The following ZNF704 variants were observed in gnomAD, a reference collection of about 807,000 sequenced individuals.
ZNF704 encodes the protein glucocorticoid induced gene 1.
In ZNF704, 10 loss-of-function variants were observed where a neutral mutation model predicts 44.7. That is an observed-to-expected ratio of 0.22 (90% CI 0.14 to 0.38). The LOEUF (loss-of-function observed/expected upper bound fraction) is 0.38, where lower values mean the gene tolerates loss of function less well. ZNF704 is among the 10% of genes least tolerant of loss of function. ZNF704 has a pLI of 1.00. For missense variants in ZNF704, 390 were observed against 545.5 expected, an observed-to-expected ratio of 0.71 and a Z score of 2.84; for synonymous variants, 211 against 207.6, an observed-to-expected ratio of 1.02 and a Z score of -0.14.
rs545157433 is a variant in ZNF704 at position 80,685,630 on chromosome 8, C to A, written c.558+1596G>T. 5.3e-5 allele frequency among the ~76,000 whole-genome samples: 8 copies of A among 152,350 alleles called. No homozygotes were observed. In the East Asian group the frequency reaches 1.2e-3, roughly 22 times the overall value. Reference sequence around the variant, plus strand: ...CCACAGGGTGCCAGAACAACTTCAGCCCCTTTGCATGACAGACTGGTGTGA... The same window carrying A: ...CCACAGGGTGCCAGAACAACTTCAGACCCTTTGCATGACAGACTGGTGTGA... On this transcript the variant is annotated intron_variant, in intron 4 of 8. Transcript: ENST00000327835.
At chr8:80,859,316 T>C (rs890441646) in intron 1 of ZNF704, among the ~76,000 whole-genome samples, 8 of 152,226 alleles carry the variant, frequency 5.3e-5, no homozygotes, top group African/African-American at 1.9e-4. Context: ...CTACTTTGTG[T>C]TGAAGTTAAT....
At chr8:80,779,881 G>T (rs1807487526) in intron 2 of ZNF704, among the ~76,000 whole-genome samples, 1 of 149,946 alleles carries the variant, frequency 6.7e-6, no homozygotes, top group Non-Finnish European at 1.5e-5. Flanking sequence ...TCCTACATTT[G>T]CAGTCAAAAT....
intron 6 of ZNF704, among the ~76,000 whole-genome samples, chr8:80,663,417 C>T (rs2131608442): frequency 6.6e-6 from 1 of 151,642 alleles, no homozygotes; most frequent in South Asian, 2.1e-4. Flanking sequence ...GAGTTTTACC[C>T]ATGTCCTAAA....
intron 2 of ZNF704, among the ~76,000 whole-genome samples, chr8:80,790,229 A>G (rs755458760): frequency 7.2e-5 from 11 of 152,192 alleles, no homozygotes; most frequent in Non-Finnish European, 1.2e-4. Flanking sequence ...CCCAGCTAAA[A>G]TATTATTTTA....
the ZNF704 span, among the ~76,000 whole-genome samples, chr8:80,883,429 C>T: frequency 2.0e-5 from 3 of 152,084 alleles, no homozygotes; most frequent in Non-Finnish European, 4.4e-5. Flanking sequence ...TGGAAATGGT[C>T]TATATCTGTG....
At chr8:80,817,702 A>AG (rs1318186220) in intron 2 of ZNF704, among the ~76,000 whole-genome samples, 1 of 152,234 alleles carries the variant, frequency 6.6e-6, no homozygotes, top group African/African-American at 2.4e-5. Flanking sequence ...ACAAACAGGG[A>AG]GTTTGTATTG....
intron 1 of ZNF704, chr8:80,873,480 G>A (rs976699369): frequency 1.3e-5 from 2 of 151,600 alleles, no homozygotes; most frequent in African/African-American, 4.8e-5. Context: ...TTGCCCCGGG[G>A]CCCGGGCCCG....
chr8:80,694,016 C>A (rs1323805177), intron 2 of ZNF704, among the ~76,000 whole-genome samples: 5 of 152,052 alleles, frequency 3.3e-5, no homozygotes, highest in African/African-American at 1.2e-4. Flanking sequence ...GGAGACCCAG[C>A]AGGACTGGCT....
chr8:80,673,525 T>C (rs1395649871), intron 4 of ZNF704, among the ~76,000 whole-genome samples: 1 of 152,216 alleles, frequency 6.6e-6, no homozygotes, highest in African/African-American at 2.4e-5. Context: ...CTGATGTAGC[T>C]TGATTTATGT....
chr8:80,821,335 T>C, intron 2 of ZNF704, 39 bp downstream of exon 2: 1 of 1,594,760 alleles, frequency 6.3e-7, no homozygotes, highest in South Asian at 1.1e-5. Flanking sequence ...TCCACCAACT[T>C]CCTGGGGCAG....
chr8:80,845,257 C>T (rs1243333993), intron 1 of ZNF704, among the ~76,000 whole-genome samples: 2 of 152,130 alleles, frequency 1.3e-5, no homozygotes, highest in Non-Finnish European at 2.9e-5. Context: ...GGGCTGGGTT[C>T]AATGCCAATG....
At chr8:80,806,611 C>A (rs960820506) in intron 2 of ZNF704, among the ~76,000 whole-genome samples, 1 of 152,190 alleles carries the variant, frequency 6.6e-6, no homozygotes, top group South Asian at 2.1e-4. Context: ...TTTTTAATTT[C>A]TCTTCTTGGA....
chr8:80,753,042 T>C (rs1376414931), intron 2 of ZNF704, among the ~76,000 whole-genome samples: 1 of 152,186 alleles, frequency 6.6e-6, no homozygotes, highest in Non-Finnish European at 1.5e-5. Flanking sequence ...AAAGCGATGT[T>C]TTTTTATACC....
At chr8:80,759,321 C>T (rs1162317363) in intron 2 of ZNF704, among the ~76,000 whole-genome samples, 1 of 151,130 alleles carries the variant, frequency 6.6e-6, no homozygotes, top group African/African-American at 2.4e-5. Flanking sequence ...TATCTCACAC[C>T]TGCATACAAG....
At chr8:80,805,331 C>T (rs1807972089) in intron 2 of ZNF704, among the ~76,000 whole-genome samples, 2 of 152,148 alleles carry the variant, frequency 1.3e-5, no homozygotes, top group Admixed American at 1.3e-4. Flanking sequence ...TAAGATACTG[C>T]ATCATATTCC....
chr8:80,718,104 C>CTCCATAAGATTT (rs1819100065), intron 2 of ZNF704, among the ~76,000 whole-genome samples: 1 of 152,106 alleles, frequency 6.6e-6, no homozygotes, highest in Non-Finnish European at 1.5e-5. Context: ...GTTTTAGCTA[C>CTCCATAAGATTT]TCCATAAGAT....
chr8:80,643,163 C>T, intron 7 of ZNF704, 34 bp from the exon 8 acceptor site: 3 of 1,532,000 alleles, frequency 2.0e-6, no homozygotes, highest in Non-Finnish European at 1.8e-6. Flanking sequence ...GTTGATGGGG[C>T]AGGTTCTCCA....
intron 2 of ZNF704, among the ~76,000 whole-genome samples, chr8:80,805,646 A>G (rs1807977492): frequency 6.6e-6 from 1 of 152,174 alleles, no homozygotes; most frequent in Admixed American, 6.5e-5. Flanking sequence ...TTTAGTGTCC[A>G]AAAGGCACAG....
In ZNF704 at chr8:80,709,768, G is replaced by A. The variant is rs1003212995; in HGVS notation, c.222-16661C>T. On this transcript the variant is annotated intron_variant, in intron 2 of 8. Transcript: ENST00000327835. ...GTCAGGTAGGATAGCCTGCTCTACC[G>A]TGCTAGGACCTTGGAGAGGAGCAGC... 3.3e-5 allele frequency among the ~76,000 whole-genome samples: 5 copies of A among 152,248 alleles called. No homozygotes were observed. The South Asian group carries it at 6.2e-4, about 19-fold the overall frequency.
Sources: allele counts gnomAD v4.1 joint callset (sites outside exome capture counted in the v4.1 genomes callset), GRCh38; gene constraint gnomAD v4.1.1; transcripts MANE v1.5; gene names NCBI Gene and HGNC (gene_info 2026-07-23, HGNC 2026-07-21).